C11orf65: variants seen among roughly 807,000 people sequenced by gnomAD.
C11orf65 encodes the protein chromosome 11 open reading frame 65.
Under a neutral mutation model 35.3 loss-of-function variants are expected in C11orf65, and 38 were observed. The observed-to-expected ratio is 1.08, with a 90% confidence interval of 0.83 to 1.41. The LOEUF is 1.41. Ranked by LOEUF, C11orf65 falls within the 40% of genes most tolerant of loss-of-function variation. The pLI is 0.00. For synonymous variants in C11orf65, 105 were observed against 114.4 expected, an observed-to-expected ratio of 0.92 and a Z score of 0.53; for missense variants, 370 against 367.1, an observed-to-expected ratio of 1.01 and a Z score of -0.06.
chr11:108,450,220 C>T (rs1407667829), intron 2 of C11orf65, among the ~76,000 whole-genome samples: 1 of 151,916 alleles, frequency 6.6e-6, no homozygotes, highest in South Asian at 2.1e-4. Flanking sequence ...TGGAAGTCAG[C>T]ACGGCAATTC....
At chr11:108,341,920 T>A (rs2136900899) in intron 2 of C11orf65, among the ~76,000 whole-genome samples, 1 of 152,328 alleles carries the variant, frequency 6.6e-6, no homozygotes, top group Middle Eastern at 3.4e-3. Context: ...CAATATCTGG[T>A]TAACCGAGGT....
intron 2 of C11orf65, among the ~76,000 whole-genome samples, chr11:108,339,943 A>G (rs1463088744): frequency 6.6e-6 from 1 of 152,202 alleles, no homozygotes; most frequent in Non-Finnish European, 1.5e-5. Flanking sequence ...TCATTTGTTT[A>G]TTCAATAAAT....
intron 6 of C11orf65, among the ~76,000 whole-genome samples, chr11:108,404,332 C>T (rs193080190): frequency 6.6e-6 from 1 of 152,286 alleles, no homozygotes; most frequent in African/African-American, 2.4e-5. Context: ...CAATGGAATG[C>T]AAAATAAATG....
chr11:108,410,794 T>C (rs1349255939), intron 3 of C11orf65, among the ~76,000 whole-genome samples: 3 of 151,144 alleles, frequency 2.0e-5, no homozygotes, highest in Non-Finnish European at 4.4e-5. Flanking sequence ...CTGAAACCTC[T>C]GCCTCCTGAG....
intron 6 of C11orf65, among the ~76,000 whole-genome samples, chr11:108,395,329 ATT>A (rs761424830): frequency 4.3e-5 from 6 of 140,870 alleles, no homozygotes; most frequent in Admixed American, 1.4e-4. Flanking sequence ...TGTCTCTACA[ATT>A]TTTTTTTTTT....
At chr11:108,313,443 G>C (rs556662841) in intron 6 of C11orf65, among the ~76,000 whole-genome samples, 224 of 152,138 alleles carry the variant, frequency 1.5e-3, no homozygotes, top group Non-Finnish European at 2.5e-3. Flanking sequence ...CAGTAAAATA[G>C]CACTTGCTAA....
intron 2 of C11orf65, chr11:108,343,188 T>A: frequency 6.2e-7 from 1 of 1,613,614 alleles, no homozygotes; most frequent in Non-Finnish European, 8.5e-7. Context: ...TAATGGCCTT[T>A]TAAAATTAAA....
chr11:108,405,688 C>T, intron 5 of C11orf65, 129 bp from the exon 6 acceptor site: 2 of 933,108 alleles, frequency 2.1e-6, no homozygotes, highest in Middle Eastern at 3.2e-4. Context: ...AGGATAGATA[C>T]TTTCAAGGTA....
chr11:108,355,579 T>G (rs1017691989), intron 2 of C11orf65: 13 of 152,674 alleles, frequency 8.5e-5, no homozygotes, highest in African/African-American at 2.7e-4. Flanking sequence ...GCATGGCAGG[T>G]AGAGTGCAGT....
At chr11:108,372,784 CAG>C (rs1476594208) in intron 2 of C11orf65, among the ~76,000 whole-genome samples, 1 of 152,110 alleles carries the variant, frequency 6.6e-6, no homozygotes, top group Non-Finnish European at 1.5e-5. Flanking sequence ...CAAAACCAGA[CAG>C]AGAATTACAA....
intron 2 of C11orf65, among the ~76,000 whole-genome samples, chr11:108,443,955 G>A (rs929005060): frequency 1.3e-5 from 2 of 152,024 alleles, no homozygotes; most frequent in Middle Eastern, 3.2e-3. Context: ...CAGAAGGCAA[G>A]AAATAACTAA....
At chr11:108,429,017 T>G (rs1356214046) in intron 3 of C11orf65, among the ~76,000 whole-genome samples, 4 of 152,022 alleles carry the variant, frequency 2.6e-5, no homozygotes, top group Admixed American at 2.0e-4. Flanking sequence ...CATGGTGGCA[T>G]GTGCCTGTTG....
intron 3 of C11orf65, among the ~76,000 whole-genome samples, chr11:108,427,077 A>G (rs2092912969): frequency 1.3e-5 from 2 of 152,224 alleles, no homozygotes; most frequent in South Asian, 4.1e-4. Context: ...ACCTAAAACC[A>G]TAAAAATCCT....
chr11:108,397,318 C>CAAA (rs375819570), intron 6 of C11orf65, among the ~76,000 whole-genome samples: 2 of 87,210 alleles, frequency 2.3e-5, no homozygotes, highest in African/African-American at 9.0e-5. Context: ...GACTCTTTCT[C>CAAA]AAAAAAAAAA....
intron 2 of C11orf65, among the ~76,000 whole-genome samples, chr11:108,359,651 A>G (rs1051371115): frequency 6.6e-6 from 1 of 152,186 alleles, no homozygotes; most frequent in Non-Finnish European, 1.5e-5. Flanking sequence ...CTCACTCAAA[A>G]CCGCTCAACT....
intron 2 of C11orf65, among the ~76,000 whole-genome samples, chr11:108,370,518 A>G (rs2091533659): frequency 2.0e-5 from 3 of 148,802 alleles, no homozygotes; most frequent in African/African-American, 7.7e-5. Flanking sequence ...CTTTAGCACA[A>G]TCATCAGTAG....
At chr11:108,445,809 C>T (rs1416261188) in intron 2 of C11orf65, among the ~76,000 whole-genome samples, 19 of 151,830 alleles carry the variant, frequency 1.3e-4, no homozygotes, top group South Asian at 1.0e-3. Context: ...AGGCTTCAGA[C>T]GATCAAACGA....
intron 2 of C11orf65, among the ~76,000 whole-genome samples, chr11:108,455,891 T>C (rs555577562): frequency 6.6e-6 from 1 of 150,524 alleles, no homozygotes; most frequent in East Asian, 2.0e-4. Context: ...TGGTGGTTCA[T>C]GCCTGTAATC....
intron 6 of C11orf65, among the ~76,000 whole-genome samples, chr11:108,321,797 A>AG: frequency 6.6e-6 from 1 of 152,190 alleles, no homozygotes. Context: ...AAAAAAAAAA[A>AG]AAACTATGTA....
Sources: gnomAD v4.1 joint callset for allele counts (sites outside exome capture counted in the v4.1 genomes callset) on GRCh38, gnomAD v4.1.1 for gene constraint, MANE v1.5 for transcripts, NCBI Gene and HGNC (gene_info 2026-07-23, HGNC 2026-07-21) for gene names.